The following BAZ1A variants were observed in gnomAD, a reference collection of about 807,000 sequenced individuals.
BAZ1A encodes the protein bromodomain adjacent to zinc finger domain protein 1A.
BAZ1A carries 50 observed loss-of-function variants against 185.2 expected under a neutral mutation model. That is an observed-to-expected ratio of 0.27 (90% CI 0.22 to 0.34). The LOEUF (loss-of-function observed/expected upper bound fraction) is 0.34, where lower values mean the gene tolerates loss of function less well. BAZ1A is among the 10% of genes least tolerant of loss of function. The pLI, the probability that BAZ1A is intolerant of heterozygous loss-of-function variation, is 1.00. For missense variants in BAZ1A, 1,356 were observed against 1,839.9 expected, an observed-to-expected ratio of 0.74 and a Z score of 4.81; for synonymous variants, 571 against 615.6, an observed-to-expected ratio of 0.93 and a Z score of 1.07.
intron 25 of BAZ1A, among the ~76,000 whole-genome samples, chr14:34,755,928 C>T (rs555729342): frequency 5.3e-5 from 8 of 150,446 alleles, no homozygotes; most frequent in Non-Finnish European, 1.2e-4. Flanking sequence ...TCAAGTGATC[C>T]TCCTGCCTCA....
chr14:34,766,024 C>T (rs1370418394), intron 21 of BAZ1A, among the ~76,000 whole-genome samples: 2 of 152,096 alleles, frequency 1.3e-5, no homozygotes, highest in Non-Finnish European at 2.9e-5. Context: ...TCAAATAAAA[C>T]CTCTTGGGCA....
At chr14:34,852,037 G>A (rs1002368261) in intron 3 of BAZ1A, among the ~76,000 whole-genome samples, 13 of 152,226 alleles carry the variant, frequency 8.5e-5, no homozygotes, top group African/African-American at 3.1e-4. Flanking sequence ...TGGGGCAGGA[G>A]AATGGTGTGA....
intron 4 of BAZ1A, among the ~76,000 whole-genome samples, chr14:34,821,563 T>C (rs2042089772): frequency 6.6e-6 from 1 of 152,248 alleles, no homozygotes; most frequent in Non-Finnish European, 1.5e-5. Flanking sequence ...AAGACAGCTA[T>C]GTTTCACCCT....
intron 19 of BAZ1A, 44 bp downstream of exon 19, chr14:34,774,283 G>C: frequency 6.5e-7 from 1 of 1,540,930 alleles, no homozygotes; most frequent in Non-Finnish European, 8.7e-7. Flanking sequence ...CAAAATTCTG[G>C]ACCAAGTAGA....
chr14:34,753,455 C>T lies in BAZ1A; in HGVS notation c.*53G>A, dbSNP rs745400728. 3.2e-6 allele frequency: 5 copies of T among 1,571,312 alleles called. No homozygotes were observed. The highest frequency in any genetic ancestry group is 4.4e-6 in the Non-Finnish European group (5 of 1,145,314). The stretch of plus-strand genomic sequence containing the variant: ...CTTTATACAGCATGATTTAATGTTC[C>T]ATTTTCATGAACAATTTGTTTTTCT... On this transcript the variant is annotated 3_prime_UTR_variant, in exon 27 of 27. Transcript: ENST00000360310.
chr14:34,752,856 A>G lies in BAZ1A; in HGVS notation c.*652T>C, dbSNP rs1021994048. On this transcript the variant is annotated 3_prime_UTR_variant, in exon 27 of 27. Coordinates refer to ENST00000360310, the MANE Select transcript of BAZ1A (RefSeq NM_013448.3). ...AGGGTGTTACTTTTTTTGATTGATC[A>G]TTAAGGAAGTTAGAGGAATAAAAAC... 2 of 152,292 alleles carry G rather than the reference A, an allele frequency of 1.3e-5. No homozygotes were observed. The highest frequency in any genetic ancestry group is 1.3e-4 in the Admixed American group (2 of 15,278). 9.4% of individuals were successfully genotyped at this position (152,292 alleles called of 1,614,324 possible).
At chr14:34,845,657 G>C (rs1028564704) in intron 3 of BAZ1A, among the ~76,000 whole-genome samples, 2 of 151,924 alleles carry the variant, frequency 1.3e-5, no homozygotes, top group African/African-American at 4.8e-5. Context: ...TCAAGAGATC[G>C]AGACCATCCT....
At chr14:34,770,987 T>C (rs146719643) in intron 21 of BAZ1A, among the ~76,000 whole-genome samples, 22 of 152,144 alleles carry the variant, frequency 1.4e-4, no homozygotes, top group African/African-American at 4.8e-4. Context: ...TCTGACTAGT[T>C]ATAGGTTTTG....
intron 14 of BAZ1A, 101 bp downstream of exon 14, chr14:34,785,676 A>T: frequency 1.1e-6 from 1 of 908,066 alleles, no homozygotes; most frequent in Non-Finnish European, 1.7e-6. Context: ...TTTCTCTTTT[A>T]ATACTGATTT....
intron 20 of BAZ1A, among the ~76,000 whole-genome samples, chr14:34,773,356 G>A (rs1238750470): frequency 2.6e-5 from 4 of 151,374 alleles, no homozygotes; most frequent in African/African-American, 7.3e-5. Context: ...ATCATTATTC[G>A]AATGAATTGT....
intron 12 of BAZ1A, among the ~76,000 whole-genome samples, chr14:34,792,068 T>C (rs1880881461): frequency 6.6e-6 from 1 of 152,184 alleles, no homozygotes; most frequent in African/African-American, 2.4e-5. Context: ...AGTATTTTCA[T>C]TTTAAAGTAT....
intron 3 of BAZ1A, among the ~76,000 whole-genome samples, chr14:34,836,107 C>T (rs1399801500): frequency 1.1e-5 from 1 of 93,602 alleles, no homozygotes; most frequent in African/African-American, 3.5e-5. Context: ...AGGCCGGGCG[C>T]GGTGGCTCAC....
intron 16 of BAZ1A, among the ~76,000 whole-genome samples, chr14:34,780,557 T>C (rs970857239): frequency 3.3e-5 from 5 of 152,114 alleles, no homozygotes; most frequent in African/African-American, 9.7e-5. Context: ...AACTGACTCT[T>C]AGGGATCAAA....
At chr14:34,756,640 A>G (rs59092668) in intron 25 of BAZ1A, among the ~76,000 whole-genome samples, 58 of 151,016 alleles carry the variant, frequency 3.8e-4, no homozygotes, top group Non-Finnish European at 8.1e-4. Flanking sequence ...TAATTTTTGC[A>G]TTTTTAGTAG....
At chr14:34,801,314 C>CTTTGTCTCAAA in intron 7 of BAZ1A, 121 bp from the exon 8 acceptor site, 1 of 712,730 alleles carries the variant, frequency 1.4e-6, no homozygotes, top group Non-Finnish European at 2.3e-6. Context: ...TTTTTTGAGA[C>CTTTGTCTCAAA]AAAGTCTCGC....
chr14:34,873,766 T>A (rs1214891985), intron 2 of BAZ1A, among the ~76,000 whole-genome samples: 1 of 42,030 alleles, frequency 2.4e-5, no homozygotes, highest in Non-Finnish European at 8.6e-5. Flanking sequence ...AGACGCTGAG[T>A]TCCCCGGAGA....
At chr14:34,798,496 A>G (rs1053588238) in intron 9 of BAZ1A, among the ~76,000 whole-genome samples, 4 of 152,236 alleles carry the variant, frequency 2.6e-5, no homozygotes, top group Non-Finnish European at 4.4e-5. Context: ...TAAGGCAGCA[A>G]TATGTGCTGT....
At chr14:34,781,645 G>A (rs1165305599) in intron 16 of BAZ1A, among the ~76,000 whole-genome samples, 2 of 151,654 alleles carry the variant, frequency 1.3e-5, no homozygotes, top group Non-Finnish European at 2.9e-5. Flanking sequence ...ACAGGTATGT[G>A]CCACCATGCC....
chr14:34,849,199 AG>A (rs1340446579), intron 3 of BAZ1A, among the ~76,000 whole-genome samples: 1 of 152,196 alleles, frequency 6.6e-6, no homozygotes, highest in Non-Finnish European at 1.5e-5. Flanking sequence ...CTGAAGCAGA[AG>A]GATTGCTTGA....
Sources: allele counts gnomAD v4.1 joint callset (sites outside exome capture counted in the v4.1 genomes callset), GRCh38; gene constraint gnomAD v4.1.1; transcripts MANE v1.5; gene names NCBI Gene and HGNC (gene_info 2026-07-23, HGNC 2026-07-21).